Variants in PRKCD observed in about 807,000 individuals in gnomAD.
PRKCD encodes protein kinase C delta type.
In PRKCD, 20 loss-of-function variants were observed where a neutral mutation model predicts 82.2. The observed-to-expected ratio is 0.24, with a 90% confidence interval of 0.17 to 0.35. The LOEUF is 0.35. Ranked by LOEUF, PRKCD falls within the 10% of genes least tolerant of loss-of-function variation. The pLI, the probability that PRKCD is intolerant of heterozygous loss-of-function variation, is 1.00. For synonymous variants in PRKCD, 317 were observed against 337.0 expected (o/e 0.94, Z 0.65); for missense variants, 607 against 899.0 (o/e 0.68, Z 4.15).
rs528222217 is a variant in PRKCD at position 53,169,797 on chromosome 3, G to A, written c.-20+4582G>A. On this transcript the variant is annotated intron_variant, in intron 2 of 18. Coordinates refer to ENST00000330452, the MANE Select transcript of PRKCD (RefSeq NM_006254.4). The surrounding 1 kb of genome is among the most constrained non-coding windows in gnomAD (Gnocchi z 4.7). ...CTCAGGCCAGAACAGGGCACCCTGC[G>A]GCTGGGGGGCTTAACAGAGCCTCTT... Among the ~76,000 whole-genome samples the A allele has an allele frequency of 5.3e-5, 8 of 152,316 alleles. No homozygotes were observed. The highest frequency in any genetic ancestry group is 7.4e-5 in the Non-Finnish European group (5 of 68,018).
chr3:53,187,778 A>G (rs770989992), intron 15 of PRKCD, among the ~76,000 whole-genome samples: 1 of 152,224 alleles, frequency 6.6e-6, no homozygotes, highest in Non-Finnish European at 1.5e-5. Flanking sequence ...ACACCCACCA[A>G]AAAGGCTGAG....
At chr3:53,179,417 G>C (rs782243564) in intron 3 of PRKCD, 160 bp from the exon 4 acceptor site, 1 of 878,058 alleles carries the variant, frequency 1.1e-6, no homozygotes, top group Admixed American at 1.7e-5. Context: ...ACCTAGCAGG[G>C]TGCCCAAGGT....
intron 3 of PRKCD, 136 bp downstream of exon 3, chr3:53,178,673 C>A: frequency 1.4e-6 from 1 of 727,420 alleles, no homozygotes; most frequent in Non-Finnish European, 2.2e-6. Flanking sequence ...CTGCCCCACT[C>A]AGCTATGAAG....
chr3:53,182,762 G>C (rs1703494224), intron 7 of PRKCD, among the ~76,000 whole-genome samples: 1 of 152,198 alleles, frequency 6.6e-6, no homozygotes, highest in Non-Finnish European at 1.5e-5. Context: ...ATGTGCATGT[G>C]TAAGAGAGGG....
chr3:53,163,204 G>A (rs533576418), intron 1 of PRKCD, among the ~76,000 whole-genome samples: 1 of 152,084 alleles, frequency 6.6e-6, no homozygotes, highest in African/African-American at 2.4e-5. Flanking sequence ...GTGTGGCCAC[G>A]GTAGGAGTGT....
chr3:53,188,575 CCTT>C lies in PRKCD; in HGVS notation c.1416-142_1416-140del. The stretch of plus-strand genomic sequence containing the variant: ...GCACCTGTTTTTAGGATCTCTTTCT[CCTT>C]CTGCTTCCTTTTCTGTTTCTCATTC... On this transcript the variant is annotated intron_variant, in intron 15 of 18. Transcript: ENST00000330452. 6.4e-6 allele frequency: 7 copies of C among 1,101,134 alleles called. No homozygotes were observed. In the South Asian group the frequency reaches 6.5e-5, roughly 10 times the overall value. The allele number at this position is 1,101,134 out of a possible 1,614,324, so 68.2% of individuals were successfully genotyped here.
At chr3:53,166,910 A>C (rs371123496) in intron 2 of PRKCD, among the ~76,000 whole-genome samples, 20 of 152,378 alleles carry the variant, frequency 1.3e-4, no homozygotes, top group Middle Eastern at 6.8e-3. Context: ...CAGCTGTGCC[A>C]GCACTGTGTG....
chr3:53,185,741 C>G, intron 11 of PRKCD, 41 bp downstream of exon 11: 1 of 1,595,086 alleles, frequency 6.3e-7, no homozygotes, highest in Non-Finnish European at 8.6e-7. Context: ...TTTTATTCCC[C>G]CTGAGGCCAA....
At chr3:53,183,089 C>T (rs1659424236) in intron 7 of PRKCD, 32 bp from the exon 8 acceptor site, 3 of 1,611,288 alleles carry the variant, frequency 1.9e-6, no homozygotes, top group Non-Finnish European at 2.5e-6. Flanking sequence ...CGGTGCTTTC[C>T]CTTCCCCCTC....
intron 17 of PRKCD, among the ~76,000 whole-genome samples, chr3:53,189,668 C>T (rs1553670363): frequency 6.6e-6 from 1 of 152,194 alleles, no homozygotes; most frequent in Non-Finnish European, 1.5e-5. Context: ...CCAGCAGAGT[C>T]GCAGATGTCC....
intron 7 of PRKCD, 42 bp from the exon 8 acceptor site, chr3:53,183,079 C>T (rs373637579): frequency 1.3e-4 from 205 of 1,601,462 alleles, no homozygotes; most frequent in Non-Finnish European, 1.6e-4. Flanking sequence ...CTGCCCCTCC[C>T]GGTGCTTTCC....
At chr3:53,173,153 A>G (rs1553665265) in intron 2 of PRKCD, among the ~76,000 whole-genome samples, 1 of 152,220 alleles carries the variant, frequency 6.6e-6, no homozygotes, top group Non-Finnish European at 1.5e-5. Context: ...TCCTCAGGCC[A>G]TGTCCCTCAC....
chr3:53,184,983 G>C lies in PRKCD; in HGVS notation c.888+9G>C, dbSNP rs368332056. 6.2e-7 allele frequency: 1 copy of C among 1,612,870 alleles called. No individual in the cohort carries two copies. Among genetic ancestry groups the C allele is most frequent in the East Asian group, 2.2e-5 (1 of 44,866 alleles). Reference sequence around the variant, plus strand: ...TGAACCAAGTCACCCAGGTGGGCAGGTGCCATGGGGACCCTGGACACAGGG... The same window carrying C: ...TGAACCAAGTCACCCAGGTGGGCAGCTGCCATGGGGACCCTGGACACAGGG... On this transcript the variant is annotated intron_variant, in intron 10 of 18. Coordinates refer to ENST00000330452, the MANE Select transcript of PRKCD (RefSeq NM_006254.4).
Position 53,169,406 on chromosome 3 carries a change from A to ATGC in PRKCD, c.-20+4193_-20+4194insCTG, listed in dbSNP as rs1466136674. On this transcript the variant is annotated intron_variant, in intron 2 of 18. Transcript: ENST00000330452. This position sits in a 1 kb window ranked among gnomAD's most constrained non-coding sequence, Gnocchi z 4.7. The stretch of plus-strand genomic sequence containing the variant: ...TGAGAGGCCCACGAACAGGACTGGG[A>ATGC]TGGCTGTCCCTCAAAGGTCTCTGCC... Among the ~76,000 whole-genome samples, 1 of 152,112 alleles carries ATGC rather than the reference A, an allele frequency of 6.6e-6. No individual in the cohort carries two copies. The highest frequency in any genetic ancestry group is 2.4e-5 in the African/African-American group (1 of 41,420).
At position 53,169,006 on chromosome 3, in the gene PRKCD, G is replaced by C. The variant is rs1553664365; in HGVS notation, c.-20+3791G>C. Among the ~76,000 whole-genome samples, 1 of 152,112 alleles carries C rather than the reference G, an allele frequency of 6.6e-6. No homozygotes were observed. The highest frequency in any genetic ancestry group is 1.5e-5 in the Non-Finnish European group (1 of 68,020). On this transcript the variant is annotated intron_variant, in intron 2 of 18. Transcript: ENST00000330452. This position sits in a 1 kb window ranked among gnomAD's most constrained non-coding sequence, Gnocchi z 4.7. ...GACTGTCGGGCCGGGGTAGAGGATG[G>C]AGAGCAGTCAGAAGACAGGTGCAGA...
intron 14 of PRKCD, 126 bp downstream of exon 14, chr3:53,186,821 G>A: frequency 3.0e-6 from 3 of 999,998 alleles, no homozygotes; most frequent in South Asian, 1.6e-5. Context: ...GGCTAGAGCG[G>A]CAACTGGGGA....
intron 2 of PRKCD, among the ~76,000 whole-genome samples, chr3:53,168,261 C>T (rs1702897874): frequency 1.3e-5 from 2 of 152,204 alleles, no homozygotes; most frequent in Admixed American, 1.3e-4. Flanking sequence ...AGAAAACCCC[C>T]TACACCCATG....
In PRKCD at chr3:53,170,842, A is replaced by G. The variant is rs1205880326; in HGVS notation, c.-20+5627A>G. ...CAGTGTGTACATCACAGCTTGTGGC[A>G]CTCCACGTGCGTGTGGAGCCTATGT... On this transcript the variant is annotated intron_variant, in intron 2 of 18. Coordinates refer to ENST00000330452, the MANE Select transcript of PRKCD (RefSeq NM_006254.4). 2.0e-5 allele frequency among the ~76,000 whole-genome samples: 3 copies of G among 151,256 alleles called. No homozygotes were observed. In the East Asian group the frequency reaches 5.8e-4, roughly 29 times the overall value.
intron 2 of PRKCD, among the ~76,000 whole-genome samples, chr3:53,173,925 A>G (rs561426649): frequency 2.0e-5 from 3 of 151,828 alleles, no homozygotes; most frequent in African/African-American, 7.2e-5. Context: ...GCTGATCTCC[A>G]CCTCTACCGT....
Sources: allele counts gnomAD v4.1 joint callset (sites outside exome capture counted in the v4.1 genomes callset), GRCh38; gene constraint gnomAD v4.1.1; non-coding constraint Gnocchi (gnomAD v3.1); transcripts MANE v1.5; gene names NCBI Gene and HGNC (gene_info 2026-07-23, HGNC 2026-07-21).